The following GIGYF2 variants were observed in gnomAD, a reference collection of about 807,000 sequenced individuals.
The protein encoded by GIGYF2 is GRB10-interacting GYF protein 2.
Under a neutral mutation model 208.1 loss-of-function variants are expected in GIGYF2, and 25 were observed. The observed-to-expected ratio is 0.12, with a 90% CI of 0.09 to 0.17. GIGYF2 has a LOEUF of 0.17. Ranked by LOEUF, GIGYF2 falls within the 10% of genes least tolerant of loss-of-function variation. GIGYF2 has a pLI of 1.00. For synonymous variants in GIGYF2, 534 were observed against 543.8 expected (o/e 0.98, Z 0.25); for missense variants, 1,302 against 1,579.4 (o/e 0.82, Z 2.98).
intron 2 of GIGYF2, among the ~76,000 whole-genome samples, chr2:232,712,021 CTT>C (rs1452870382): frequency 6.6e-6 from 1 of 152,016 alleles, no homozygotes; most frequent in East Asian, 1.9e-4. Flanking sequence ...GAAATCAGCA[CTT>C]ATCAGAAAAG....
At chr2:232,722,166 C>G (rs1250924638) in intron 2 of GIGYF2, among the ~76,000 whole-genome samples, 6 of 152,154 alleles carry the variant, frequency 3.9e-5, no homozygotes, top group Non-Finnish European at 8.8e-5. Flanking sequence ...ATTAGCTTCC[C>G]TCTTGTATTA....
rs923137102 is a variant in GIGYF2 at position 232,860,298 on chromosome 2, G to C, written c.*3438G>C. 1.3e-5 allele frequency: 2 copies of C among 149,460 alleles called. No individual in the cohort carries two copies. Among genetic ancestry groups the C allele is most frequent in the East Asian group, 1.9e-4 (1 of 5,156 alleles). The allele number at this position is 149,460 out of a possible 1,614,324, so 9.3% of individuals were successfully genotyped here. On this transcript the variant is annotated 3_prime_UTR_variant, in exon 29 of 29. Transcript: ENST00000373563. ...AGCTATGTGCCAGTGCACCCAGCTT[G>C]TTTTTTTTAAATTTTAGGATAGATA...
At position 232,707,564 on chromosome 2, in the gene GIGYF2, G is replaced by C. The variant is rs139390155; in HGVS notation, c.-44+4075G>C. ...TTAGCAGCCGTCCTGCAAGATCAGT[G>C]AATCAGAGAGCCTTACTTTAGATCT... On this transcript the variant is annotated intron_variant, in intron 2 of 28. Transcript: ENST00000373563. Among the ~76,000 whole-genome samples the C allele has an allele frequency of 2.5e-4, 38 of 152,026 alleles. 1 individual carries two copies. Among genetic ancestry groups the C allele is most frequent in the Non-Finnish European group, 4.7e-4 (32 of 68,002 alleles).
chr2:232,859,340 A>G lies in GIGYF2; in HGVS notation c.*2480A>G, dbSNP rs1356776489. ...GAGATAGGGTCTTGTGATGTTGCCC[A>G]CACTGGTCTCGAGCCCCTGGGCTCA... On this transcript the variant is annotated 3_prime_UTR_variant, in exon 29 of 29. Coordinates refer to ENST00000373563, the MANE Select transcript of GIGYF2 (RefSeq NM_001103146.3). 6.6e-6 allele frequency: 1 copy of G among 152,200 alleles called. No homozygotes were observed. The highest frequency in any genetic ancestry group is 6.6e-5 in the Admixed American group (1 of 15,256). The allele number at this position is 152,200 out of a possible 1,614,324, so 9.4% of individuals were successfully genotyped here.
At chr2:232,705,138 C>G (rs1003586656) in intron 2 of GIGYF2, among the ~76,000 whole-genome samples, 1 of 151,256 alleles carries the variant, frequency 6.6e-6, no homozygotes, top group South Asian at 2.1e-4. Flanking sequence ...GGATTACAGG[C>G]GTGAGCCACC....
At position 232,812,375 on chromosome 2, in the gene GIGYF2, T is replaced by C. The variant is rs1394765122; in HGVS notation, c.2007-16T>C. The C allele has an allele frequency of 1.9e-6, 2 of 1,067,102 alleles. No homozygotes were observed. Among genetic ancestry groups the C allele is most frequent in the Non-Finnish European group, 2.9e-6 (2 of 681,306 alleles). The allele number at this position is 1,067,102 out of a possible 1,614,324, so 66.1% of individuals were successfully genotyped here. A position where few individuals can be genotyped will look rare whatever the true frequency, so the allele number is the denominator to read the frequency against. The stretch of plus-strand genomic sequence containing the variant: ...AAATGACAAGAACAAGTTAATTTTT[T>C]ATTTCCCTTTTGCAGAATATCTGAT... On this transcript the variant is annotated splice_polypyrimidine_tract_variant and intron_variant, in intron 17 of 28. Coordinates refer to ENST00000373563, the MANE Select transcript of GIGYF2 (RefSeq NM_001103146.3).
At chr2:232,768,444 C>T (rs1699069276) in intron 8 of GIGYF2, 4 of 1,614,144 alleles carry the variant, frequency 2.5e-6, no homozygotes, top group South Asian at 1.1e-5. Flanking sequence ...TTCTCCAGTG[C>T]CCTCCTGCAT....
At chr2:232,772,271 G>A (rs890714584) in intron 8 of GIGYF2, among the ~76,000 whole-genome samples, 4 of 152,038 alleles carry the variant, frequency 2.6e-5, no homozygotes, top group Admixed American at 6.6e-5. Context: ...AACCATGTTC[G>A]TGGATTCTTT....
At chr2:232,836,565 CAA>C (rs554171454) in intron 22 of GIGYF2, among the ~76,000 whole-genome samples, 1,022 of 55,822 alleles carry the variant, frequency 0.018, 12 homozygotes, top group African/African-American at 0.052. Flanking sequence ...GACCCTGTCT[CAA>C]AAAAAAAAAA....
chr2:232,779,061 G>A (rs183998670), intron 8 of GIGYF2, among the ~76,000 whole-genome samples: 17 of 152,188 alleles, frequency 1.1e-4, no homozygotes, highest in African/African-American at 4.1e-4. Flanking sequence ...ATTTTGGGGT[G>A]GTGTTTCCTG....
intron 2 of GIGYF2, among the ~76,000 whole-genome samples, chr2:232,732,280 A>T (rs1384950005): frequency 6.6e-6 from 1 of 152,170 alleles, no homozygotes; most frequent in Non-Finnish European, 1.5e-5. Context: ...TGTCATCAGT[A>T]TCGGTAGCAA....
chr2:232,778,891 A>G (rs1699618347), intron 8 of GIGYF2, among the ~76,000 whole-genome samples: 2 of 152,198 alleles, frequency 1.3e-5, no homozygotes, highest in Admixed American at 1.3e-4. Context: ...AGACCTTTTA[A>G]TCTCTTATGT....
chr2:232,726,982 G>A (rs1697229333), intron 2 of GIGYF2, among the ~76,000 whole-genome samples: 1 of 151,868 alleles, frequency 6.6e-6, no homozygotes, highest in South Asian at 2.1e-4. Flanking sequence ...TTTTTTTTGG[G>A]GGCGCAGAGT....
At chr2:232,822,819 T>C (rs919124500) in intron 21 of GIGYF2, among the ~76,000 whole-genome samples, 3 of 152,218 alleles carry the variant, frequency 2.0e-5, no homozygotes, top group African/African-American at 7.2e-5. Context: ...AATAGTATTT[T>C]TGTTGATTCC....
intron 8 of GIGYF2, among the ~76,000 whole-genome samples, chr2:232,775,321 C>G (rs1255575332): frequency 6.6e-6 from 1 of 151,616 alleles, no homozygotes; most frequent in African/African-American, 2.4e-5. Flanking sequence ...GCCTGGCATC[C>G]TTAGATTAAA....
intron 1 of GIGYF2, among the ~76,000 whole-genome samples, chr2:232,699,080 A>C: frequency 6.6e-6 from 1 of 152,216 alleles, no homozygotes; most frequent in Non-Finnish European, 1.5e-5. Flanking sequence ...GAAAAAAATG[A>C]GTCAGGGAGA....
Position 232,741,434 on chromosome 2 carries a change from C to CA in GIGYF2, c.42-6181_42-6180insA, listed in dbSNP as rs1363316402. Among the ~76,000 whole-genome samples, 142 of 145,158 alleles carry CA rather than the reference C, an allele frequency of 9.8e-4. 1 individual carries two copies. Among genetic ancestry groups the CA allele is most frequent in the Non-Finnish European group, 1.8e-3 (117 of 65,676 alleles). ...TGGCCTACTGATGTTTCCTGGCTTCCTTTTTTTTTTTTCTTTTTTTTTGTT... is the reference window on the plus strand; with the variant it reads ...TGGCCTACTGATGTTTCCTGGCTTCCATTTTTTTTTTTTCTTTTTTTTTGTT... On this transcript the variant is annotated intron_variant, in intron 3 of 28. Coordinates refer to ENST00000373563, the MANE Select transcript of GIGYF2 (RefSeq NM_001103146.3).
rs1021948122 is a variant in GIGYF2, at chr2:232,814,573, C to G, written c.2108-1064C>G. On this transcript the variant is annotated intron_variant, in intron 18 of 28. Transcript: ENST00000373563. ...GTGAGACTCCACCTCAAACCCCCCC[C>G]CCCCAAAAAAAAAGTACCTTCAGGC... Among the ~76,000 whole-genome samples the G allele has an allele frequency of 3.7e-5, 5 of 133,632 alleles. 1 individual carries two copies. The highest frequency in any genetic ancestry group is 1.5e-4 in the Admixed American group (2 of 13,338). 87.7% of individuals were successfully genotyped at this position (133,632 alleles called of 152,430 possible).
chr2:232,747,294 C>A (rs750649438), intron 3 of GIGYF2, among the ~76,000 whole-genome samples: 2 of 152,084 alleles, frequency 1.3e-5, no homozygotes, highest in African/African-American at 4.8e-5. Flanking sequence ...GGTAGTATCT[C>A]ACTTTTGTTT....
Sources: allele counts gnomAD v4.1 joint callset (sites outside exome capture counted in the v4.1 genomes callset), GRCh38; gene constraint gnomAD v4.1.1; transcripts MANE v1.5; gene names NCBI Gene and HGNC (gene_info 2026-07-23, HGNC 2026-07-21).